Variants in MYB observed in about 807,000 individuals in gnomAD.
MYB encodes transcriptional activator Myb.
A neutral mutation model predicts 92.9 loss-of-function variants in MYB; 28 were observed. That is an observed-to-expected ratio of 0.30 (90% CI 0.22 to 0.41). The LOEUF (loss-of-function observed/expected upper bound fraction) is 0.41, where lower values mean the gene tolerates loss of function less well. Ranked by LOEUF, MYB falls within the 10% of genes least tolerant of loss-of-function variation. The pLI is 1.00. For missense variants in MYB, 679 were observed against 929.3 expected (o/e 0.73, Z 3.50); for synonymous variants, 295 against 329.1 (o/e 0.90, Z 1.12).
At chr6:135,184,153 C>T (rs535781655) in intron 1 of MYB, among the ~76,000 whole-genome samples, 1 of 152,198 alleles carries the variant, frequency 6.6e-6, no homozygotes, top group African/African-American at 2.4e-5. Context: ...CCTCTAGATC[C>T]AGCCAAACCT....
At chr6:135,203,116 G>A (rs1778366078) in intron 14 of MYB, 101 bp from the exon 15 acceptor site, 1 of 853,348 alleles carries the variant, frequency 1.2e-6, no homozygotes, top group East Asian at 2.4e-5. Context: ...TTATGCTAAT[G>A]TGTATCATCT....
chr6:135,205,117 C>T (rs1172441921), intron 15 of MYB, among the ~76,000 whole-genome samples: 1 of 152,018 alleles, frequency 6.6e-6, no homozygotes, highest in African/African-American at 2.4e-5. Flanking sequence ...GAATGAACTC[C>T]ACCCAGACAT....
At position 135,195,769 on chromosome 6, in the gene MYB, T is replaced by G. The variant is rs764366080; in HGVS notation, c.970T>G (p.Tyr324Asp). Reference sequence around the variant, plus strand: ...TTAGACACAGAACCACACATGCAGCTACCCCGGGTGGCACAGCACCACCAT... The same window carrying G: ...TTAGACACAGAACCACACATGCAGCGACCCCGGGTGGCACAGCACCACCAT... ...VLPTQNHTCS[Y>D]PGWHSTTIAD... Residue 324 changes from tyrosine to aspartate, a missense_variant, in exon 9 of 16, where the codon TAC becomes GAC. Tyr to Asp is a radical substitution (Grantham distance 160). This residue lies in a region of MYB where 56 missense variants were observed against 55.8 expected (regional missense o/e 1.00). Transcript: ENST00000341911. 4 of 1,614,142 alleles carry G rather than the reference T, an allele frequency of 2.5e-6. No individual in the cohort carries two copies. The highest frequency in any genetic ancestry group is 3.4e-6 in the Non-Finnish European group (4 of 1,180,006).
chr6:135,187,858 G>A lies in MYB; in HGVS notation c.166G>A (p.Glu56Lys), dbSNP rs1276513639. The A allele has an allele frequency of 1.9e-6, 3 of 1,609,814 alleles. No homozygotes were observed. Among genetic ancestry groups the A allele is most frequent in the Non-Finnish European group, 2.5e-6 (3 of 1,177,578 alleles). ...GGATGAAAAACTGAAGAAGCTGGTG[G>A]AACAGAATGGAACAGATGACTGGAA... ...EEDEKLKKLV[E>K]QNGTDDWKVI... The change falls in exon 3 of 16, where the codon GAA (glutamate) becomes AAA (lysine). Residue 56 changes from glutamate (E) to lysine (K), a missense_variant. Around this residue, in one of 8 missense-constraint regions of MYB, gnomAD observed 88 missense variants for 145.6 expected, o/e 0.60. Transcript: ENST00000341911.
intron 15 of MYB, among the ~76,000 whole-genome samples, chr6:135,205,342 T>A (rs961250684): frequency 1.3e-5 from 2 of 152,120 alleles, no homozygotes; most frequent in Admixed American, 1.3e-4. Flanking sequence ...AAGTTTTGCA[T>A]ATATTTTCTA....
chr6:135,195,088 A>G (rs571403307), intron 8 of MYB: 1 of 1,282,208 alleles, frequency 7.8e-7, no homozygotes, highest in Admixed American at 2.4e-5. Flanking sequence ...CCCAGTAGGT[A>G]TTCCTAGGGG....
intron 6 of MYB, among the ~76,000 whole-genome samples, chr6:135,193,102 A>G (rs1776838185): frequency 6.6e-6 from 1 of 152,178 alleles, no homozygotes. Context: ...CAGGAGCAGA[A>G]CTTTGTGACA....
chr6:135,193,253 TAATCTTA>T (rs1001790190), intron 6 of MYB, among the ~76,000 whole-genome samples: 1 of 152,172 alleles, frequency 6.6e-6, no homozygotes. Flanking sequence ...CGAGAAACTT[TAATCTTA>T]AGAATAACAA....
chr6:135,196,156 TC>T (rs1777271319), intron 9 of MYB, among the ~76,000 whole-genome samples, 154 bp downstream of exon 9: 1 of 152,240 alleles, frequency 6.6e-6, no homozygotes, highest in African/African-American at 2.4e-5. Context: ...ATATGTTTTT[TC>T]AAAGATCTGA....
rs1022506 is a variant in MYB at position 135,190,449 on chromosome 6, G to A, written c.527+102G>A. On this transcript the variant is annotated intron_variant, in intron 5 of 15. Transcript: ENST00000341911. This position sits in a 1 kb window ranked among gnomAD's most constrained non-coding sequence, Gnocchi z 4.5. ...GTGAGTAAATTATATTTCATCAGTCGTAAGTGTTTTATTAGATAAACCAGC... is the reference window on the plus strand; with the variant it reads ...GTGAGTAAATTATATTTCATCAGTCATAAGTGTTTTATTAGATAAACCAGC... The A allele has an allele frequency of 0.11, 96,384 of 904,752 alleles. 5,468 individuals are homozygous for A. The highest frequency in any genetic ancestry group is 0.13 in the South Asian group (7,643 of 59,048). 56.0% of individuals were successfully genotyped at this position (904,752 alleles called of 1,614,324 possible).
At position 135,205,144 on chromosome 6, in the gene MYB, G is replaced by A. The variant is rs1778692364; in HGVS notation, c.2169+1820G>A. 2.0e-5 allele frequency among the ~76,000 whole-genome samples: 3 copies of A among 152,094 alleles called. No homozygotes were observed. The South Asian group carries it at 6.2e-4, about 32-fold the overall frequency. ...CCCAGACATAAGAGGAACCCAGAAAGGGAGTTACAAAGATTTCAAGGCAAA... is the reference window on the plus strand; with the variant it reads ...CCCAGACATAAGAGGAACCCAGAAAAGGAGTTACAAAGATTTCAAGGCAAA... On this transcript the variant is annotated intron_variant, in intron 15 of 15. Coordinates refer to ENST00000341911, the MANE Select transcript of MYB (RefSeq NM_001130173.2).
At chr6:135,183,094 G>A (rs1421248870) in intron 1 of MYB, among the ~76,000 whole-genome samples, 1 of 147,072 alleles carries the variant, frequency 6.8e-6, no homozygotes, top group Non-Finnish European at 1.5e-5. Context: ...GCGCGGCAGC[G>A]GCTCCGCGCC....
chr6:135,182,143 G>A lies in MYB; in HGVS notation c.23+607G>A, dbSNP rs1309911523. On this transcript the variant is annotated intron_variant, in intron 1 of 15. Coordinates refer to ENST00000341911, the MANE Select transcript of MYB (RefSeq NM_001130173.2). The surrounding 1 kb of genome is among the most constrained non-coding windows in gnomAD (Gnocchi z 5.6). ...TCTTAAGACCTGGTTTTGGAGGTTCGAATCATTTTTCTCTGAAAGGCTTTT... is the reference window on the plus strand; with the variant it reads ...TCTTAAGACCTGGTTTTGGAGGTTCAAATCATTTTTCTCTGAAAGGCTTTT... Among the ~76,000 whole-genome samples, 6 of 152,188 alleles carry A rather than the reference G, an allele frequency of 3.9e-5. No homozygotes were observed. Among genetic ancestry groups the A allele is most frequent in the African/African-American group, 1.4e-4 (6 of 41,454 alleles).
Position 135,218,049 on chromosome 6 carries a change from C to A in MYB, c.*69C>A. ...TGACTTGGGATATATCATTCCTCAA[C>A]ATGAAACTTTTCATGAATGGGAGAA... On this transcript the variant is annotated 3_prime_UTR_variant, in exon 16 of 16. Coordinates refer to ENST00000341911, the MANE Select transcript of MYB (RefSeq NM_001130173.2). 1 of 1,256,262 alleles carries A rather than the reference C, an allele frequency of 8.0e-7. No individual in the cohort carries two copies. Among genetic ancestry groups the A allele is most frequent in the Non-Finnish European group, 1.2e-6 (1 of 857,554 alleles). 77.8% of individuals were successfully genotyped at this position (1,256,262 alleles called of 1,614,324 possible).
chr6:135,195,533 CAT>C (rs1777181179), intron 8 of MYB: 6 of 535,156 alleles, frequency 1.1e-5, no homozygotes, highest in Non-Finnish European at 1.6e-5. Context: ...ACAAGGTAAT[CAT>C]ATAGGTACAA....
At chr6:135,208,851 C>A (rs1468475704) in intron 15 of MYB, among the ~76,000 whole-genome samples, 1 of 151,986 alleles carries the variant, frequency 6.6e-6, no homozygotes, top group Non-Finnish European at 1.5e-5. Context: ...TCCCATTAAT[C>A]CAAAAAAGAA....
intron 3 of MYB, among the ~76,000 whole-genome samples, chr6:135,188,573 G>A (rs1466590435): frequency 4.0e-5 from 6 of 149,358 alleles, no homozygotes; most frequent in Non-Finnish European, 5.9e-5. Context: ...GCAGTGGCAC[G>A]ATCTCAGCTC....
In MYB at chr6:135,181,430, G is replaced by T; in HGVS notation, c.-84G>T. ...GAGCGCCGCTGCGCAGCCGGGGAGG[G>T]ACGCAGGCAGGCGGCGGGCAGCGGG... On this transcript the variant is annotated 5_prime_UTR_variant, in exon 1 of 16. Transcript: ENST00000341911. The surrounding 1 kb of genome is among the most constrained non-coding windows in gnomAD (Gnocchi z 5.3). The T allele has an allele frequency of 1.0e-6, 1 of 982,622 alleles. No homozygotes were observed. The highest frequency in any genetic ancestry group is 3.8e-5 in the South Asian group (1 of 26,576). 60.9% of individuals were successfully genotyped at this position (982,622 alleles called of 1,614,324 possible).
intron 8 of MYB, chr6:135,194,891 TA>T: frequency 8.2e-7 from 1 of 1,224,994 alleles, no homozygotes; most frequent in Non-Finnish European, 1.1e-6. Context: ...TATATACATG[TA>T]AAAGGTTATA....
Sources: gnomAD v4.1 joint callset for allele counts (sites outside exome capture counted in the v4.1 genomes callset) on GRCh38, gnomAD v4.1.1 for gene constraint, gnomAD v4.1.1 regional missense constraint, Gnocchi (gnomAD v3.1) non-coding constraint, MANE v1.5 for transcripts, NCBI Gene and HGNC (gene_info 2026-07-23, HGNC 2026-07-21) for gene names.